The following C5orf24 variants were observed in gnomAD, a reference collection of about 807,000 sequenced individuals.
The protein encoded by C5orf24 is chromosome 5 open reading frame 24, also known as UPF0461 protein C5orf24.
C5orf24 carries 4 observed loss-of-function variants against 9.8 expected under a neutral mutation model. The ratio of observed to expected loss-of-function variants is 0.41; its 90% CI spans 0.20 to 0.93. The LOEUF is 0.93. Among genes scored for constraint, C5orf24 ranks in the 40% least tolerant of loss-of-function variants. The pLI is 0.33. For missense variants in C5orf24, 170 were observed against 236.9 expected (o/e 0.72, Z 1.85); for synonymous variants, 73 against 81.3 (o/e 0.90, Z 0.55).
chr5:134,853,512 C>CCTT (rs1032093485), intron 1 of C5orf24, among the ~76,000 whole-genome samples: 34 of 145,418 alleles, frequency 2.3e-4, no homozygotes, highest in African/African-American at 5.0e-4. Context: ...AGACTTTGGA[C>CCTT]CTTCTTCTTC....
At chr5:134,850,780 C>G (rs538791252) in intron 1 of C5orf24, among the ~76,000 whole-genome samples, 2 of 151,488 alleles carry the variant, frequency 1.3e-5, no homozygotes, top group Non-Finnish European at 1.5e-5. Flanking sequence ...CCCAGCCGCA[C>G]GACTAATTTT....
intron 1 of C5orf24, among the ~76,000 whole-genome samples, chr5:134,853,678 TA>T (rs1756229210): frequency 6.6e-6 from 1 of 152,088 alleles, no homozygotes; most frequent in East Asian, 1.9e-4. Flanking sequence ...TGTTCTTTAA[TA>T]AGTCACAGGG....
upstream of C5orf24, among the ~76,000 whole-genome samples, chr5:134,841,286 C>G (rs1034485473): frequency 6.8e-6 from 1 of 146,798 alleles, no homozygotes; most frequent in African/African-American, 2.5e-5. Flanking sequence ...TCAGTGATTT[C>G]TTTTTTTTTT....
chr5:134,838,169 C>G, the C5orf24 span, among the ~76,000 whole-genome samples: 1 of 152,160 alleles, frequency 6.6e-6, no homozygotes, highest in East Asian at 1.9e-4. Context: ...GACAAATATT[C>G]CTTTTATTCA....
chr5:134,836,918 G>A, the C5orf24 span, among the ~76,000 whole-genome samples: 1 of 152,096 alleles, frequency 6.6e-6, no homozygotes, highest in South Asian at 2.1e-4. Context: ...ACATAATCAA[G>A]TATGTATATT....
At chr5:134,845,446 G>A (rs1355621076), upstream of C5orf24, among the ~76,000 whole-genome samples, 1 of 152,174 alleles carries the variant, frequency 6.6e-6, no homozygotes, top group Non-Finnish European at 1.5e-5. Flanking sequence ...GTTTGTGTGA[G>A]GTGACTGATA....
chr5:134,845,306 C>T (rs974639625), upstream of C5orf24, among the ~76,000 whole-genome samples: 1 of 152,206 alleles, frequency 6.6e-6, no homozygotes, highest in African/African-American at 2.4e-5. Context: ...AAGCATCCTC[C>T]TCTAGCCTCT....
rs182491355 is a variant in C5orf24 at position 134,850,994 on chromosome 5, A to T, written c.-3-3904A>T. ...ATATTTTATACATACAGAAATACAT[A>T]TATTTATTTATTTATTTATTTATTT... On this transcript the variant is annotated intron_variant, in intron 1 of 1. Coordinates refer to ENST00000394976, the MANE Select transcript of C5orf24 (RefSeq NM_001135586.1). Among the ~76,000 whole-genome samples the T allele has an allele frequency of 3.1e-3, 453 of 147,598 alleles. 12 individuals carry two copies. The highest frequency in any genetic ancestry group is 3.5e-3 in the Middle Eastern group (1 of 282).
At chr5:134,844,942 T>C (rs1362951202), upstream of C5orf24, among the ~76,000 whole-genome samples, 5 of 152,172 alleles carry the variant, frequency 3.3e-5, no homozygotes, top group African/African-American at 1.2e-4. Flanking sequence ...TTCACCATGT[T>C]AGTCAGGCTT....
At chr5:134,835,080 C>T in the C5orf24 span, among the ~76,000 whole-genome samples, 2 of 151,670 alleles carry the variant, frequency 1.3e-5, no homozygotes, top group East Asian at 1.9e-4. Context: ...GTGGTGTGCT[C>T]CTGTAATCCC....
upstream of C5orf24, among the ~76,000 whole-genome samples, chr5:134,844,194 A>G (rs1255405599): frequency 6.6e-6 from 1 of 152,224 alleles, no homozygotes; most frequent in Non-Finnish European, 1.5e-5. Flanking sequence ...CCACCTCAAG[A>G]GCAAAAAAAC....
intron 1 of C5orf24, among the ~76,000 whole-genome samples, chr5:134,847,588 C>T (rs945225841): frequency 1.3e-5 from 2 of 152,186 alleles, no homozygotes; most frequent in Admixed American, 6.5e-5. Flanking sequence ...GCCACTGCAC[C>T]CGGCTTCAGT....
At position 134,858,718 on chromosome 5, in the gene C5orf24, T is replaced by A. The variant is rs774489163; in HGVS notation, c.*3251T>A. 1.2e-5 allele frequency: 2 copies of A among 167,028 alleles called. No homozygotes were observed. Among genetic ancestry groups the A allele is most frequent in the Non-Finnish European group, 2.9e-5 (2 of 68,094 alleles). 10.3% of individuals were successfully genotyped at this position (167,028 alleles called of 1,614,324 possible). A position where few individuals can be genotyped will look rare whatever the true frequency, so the allele number is the denominator to read the frequency against. On this transcript the variant is annotated 3_prime_UTR_variant, in exon 2 of 2. Coordinates refer to ENST00000394976, the MANE Select transcript of C5orf24 (RefSeq NM_001135586.1). ...TGAAATTTTCATTTTTTGACAGATA[T>A]AACCTTGCATAAGTAGTATTTAGGG... is the stretch of plus-strand genomic sequence containing the variant.
chr5:134,842,299 G>C (rs1055841802), upstream of C5orf24, among the ~76,000 whole-genome samples: 7 of 152,048 alleles, frequency 4.6e-5, no homozygotes, highest in African/African-American at 1.7e-4. Context: ...AGACCAGCCT[G>C]GCCAACATGG....
chr5:134,850,955 CT>C (rs1474582435), intron 1 of C5orf24, among the ~76,000 whole-genome samples: 1 of 147,142 alleles, frequency 6.8e-6, no homozygotes, highest in East Asian at 1.9e-4. Context: ...CACACACACA[CT>C]ACACACACAT....
intron 1 of C5orf24, among the ~76,000 whole-genome samples, chr5:134,851,085 T>G (rs77736739): frequency 6.6e-6 from 1 of 151,506 alleles, no homozygotes; most frequent in Non-Finnish European, 1.5e-5. Context: ...CCCCACAAAA[T>G]TTTTGTAAAT....
intron 1 of C5orf24, among the ~76,000 whole-genome samples, chr5:134,848,293 A>G (rs1383160543): frequency 6.6e-6 from 1 of 151,988 alleles, no homozygotes; most frequent in Non-Finnish European, 1.5e-5. Flanking sequence ...CCTGGGCGAC[A>G]GAGCAAGACT....
the C5orf24 span, among the ~76,000 whole-genome samples, chr5:134,840,332 A>C: frequency 6.7e-6 from 1 of 149,552 alleles, no homozygotes; most frequent in Non-Finnish European, 1.5e-5. Context: ...AAAAAAGAAC[A>C]GGGAAGTGAT....
intron 1 of C5orf24, among the ~76,000 whole-genome samples, chr5:134,849,547 A>G (rs537042784): frequency 6.6e-6 from 1 of 151,696 alleles, no homozygotes; most frequent in South Asian, 2.1e-4. Context: ...CTTGTTTATT[A>G]ATTATTAAGT....
Sources: allele counts gnomAD v4.1 joint callset (sites outside exome capture counted in the v4.1 genomes callset), GRCh38; gene constraint gnomAD v4.1.1; transcripts MANE v1.5; gene names NCBI Gene and HGNC (gene_info 2026-07-23, HGNC 2026-07-21).